The following CHSY3 variants were observed in gnomAD, a reference collection of about 807,000 sequenced individuals.
CHSY3 encodes chondroitin sulfate synthase 3, also known as N-acetylgalactosaminyl-proteoglycan 3-beta-glucuronosyltransferase 3.
A neutral mutation model predicts 67.2 loss-of-function variants in CHSY3; 35 were observed. That is an observed-to-expected ratio of 0.52 (90% CI 0.40 to 0.69). CHSY3 has a LOEUF of 0.69. Ranked by LOEUF, CHSY3 falls within the 30% of genes least tolerant of loss-of-function variation. The probability of loss-of-function intolerance (pLI) is 0.00; values close to 1 mark genes in which losing one functional copy is unlikely to be tolerated. For synonymous variants in CHSY3, 474 were observed against 434.7 expected (o/e 1.09, Z -1.12); for missense variants, 1,069 against 1,138.5 (o/e 0.94, Z 0.88).
At position 130,014,322 on chromosome 5, in the gene CHSY3, G is replaced by A. The variant is rs147987543; in HGVS notation, c.1086+105962G>A. Among the ~76,000 whole-genome samples the A allele has an allele frequency of 7.9e-4, 121 of 152,244 alleles. 1 individual carries two copies. In the East Asian group the frequency reaches 0.017, roughly 22 times the overall value. On this transcript the variant is annotated intron_variant, in intron 2 of 2. Coordinates refer to ENST00000305031, the MANE Select transcript of CHSY3 (RefSeq NM_175856.5). ...CACCCACTCCTGGTACCAATTTACT[G>A]TATTAGTCCATTTTCATGCTGCTAT...
chr5:130,184,490 C>T lies in CHSY3; in HGVS notation c.1348C>T (p.Pro450Ser), dbSNP rs1158449836. 2 of 1,612,220 alleles carry T rather than the reference C, an allele frequency of 1.2e-6. No homozygotes were observed. Among genetic ancestry groups the T allele is most frequent in the Middle Eastern group, 1.7e-4 (1 of 6,060 alleles). Residue 450 changes from proline to serine, a missense_variant, in exon 3 of 3, where the codon CCT becomes TCT. Transcript: ENST00000305031. Reference protein sequence around the residue: ...SKEDQQLGVIPSFNHFQPRER... With the variant: ...SKEDQQLGVISSFNHFQPRER... ...AGAGGACCAGCAGCTGGGAGTGATA[C>T]CTTCTTTCAACCACTTCCAGCCTCG...
At chr5:129,953,826 G>T (rs999024890) in intron 2 of CHSY3, among the ~76,000 whole-genome samples, 5 of 152,004 alleles carry the variant, frequency 3.3e-5, no homozygotes, top group African/African-American at 1.2e-4. Flanking sequence ...TGATGGGGTT[G>T]TTTGTTTTTT....
At chr5:130,121,012 C>T (rs182796133) in intron 2 of CHSY3, among the ~76,000 whole-genome samples, 2 of 152,284 alleles carry the variant, frequency 1.3e-5, no homozygotes, top group Non-Finnish European at 2.9e-5. Flanking sequence ...TGGGGATCGG[C>T]ATCTTTTCAA....
At chr5:130,001,860 T>C in intron 2 of CHSY3, 1 of 916,340 alleles carries the variant, frequency 1.1e-6, no homozygotes, top group Non-Finnish European at 1.3e-6. Context: ...AACCCACTAA[T>C]ATAATCCTGT....
chr5:130,138,605 T>G (rs62393193), intron 2 of CHSY3, among the ~76,000 whole-genome samples: 8,348 of 152,236 alleles, frequency 0.055, 345 homozygotes, highest in Non-Finnish European at 0.081. Flanking sequence ...TAGAATACAT[T>G]TCATTCTTTA....
chr5:129,905,528 T>C lies in CHSY3; in HGVS notation c.699T>C (p.Tyr233=). The C allele has an allele frequency of 6.2e-7, 1 of 1,613,414 alleles. No homozygotes were observed. The highest frequency in any genetic ancestry group is 1.3e-5 in the African/African-American group (1 of 75,000). Residue 233 remains tyrosine (Y), a synonymous_variant, in exon 1 of 3, where the codon TAT becomes TAC. Coordinates refer to ENST00000305031, the MANE Select transcript of CHSY3 (RefSeq NM_175856.5). ...CGCTACCGGGTGTGGACGACTCCTA[T>C]CCTCCCCAGAAAAAGTCCTTCATGA... ...VIALPGVDDS[Y]PPQKKSFMMI...
intron 2 of CHSY3, among the ~76,000 whole-genome samples, chr5:130,137,577 T>G (rs1768706651): frequency 2.0e-5 from 3 of 152,340 alleles, no homozygotes; most frequent in Admixed American, 6.5e-5. Context: ...AGAATAGTCT[T>G]CTCTTTCATT....
chr5:130,121,516 G>A (rs1002963023), intron 2 of CHSY3, among the ~76,000 whole-genome samples: 1 of 152,102 alleles, frequency 6.6e-6, no homozygotes, highest in Non-Finnish European at 1.5e-5. Flanking sequence ...GAGCTTCCTT[G>A]TAGCTCAAAT....
intron 2 of CHSY3, among the ~76,000 whole-genome samples, chr5:130,156,009 A>C (rs1364063288): frequency 1.3e-5 from 2 of 152,174 alleles, no homozygotes; most frequent in Admixed American, 6.5e-5. Flanking sequence ...AAATCAATAG[A>C]TCTTATGGTA....
chr5:130,038,839 G>A (rs1054218457), intron 2 of CHSY3, among the ~76,000 whole-genome samples: 2 of 151,912 alleles, frequency 1.3e-5, no homozygotes, highest in Non-Finnish European at 2.9e-5. Context: ...TATAAATAAA[G>A]CCATCAGGAA....
intron 2 of CHSY3, among the ~76,000 whole-genome samples, chr5:129,960,006 A>G (rs188723700): frequency 2.2e-3 from 341 of 152,142 alleles, no homozygotes; most frequent in African/African-American, 7.3e-3. Context: ...AGGACTCTGA[A>G]TGGACTAAGT....
chr5:130,150,299 C>A (rs1362852906), intron 2 of CHSY3, among the ~76,000 whole-genome samples: 1 of 152,016 alleles, frequency 6.6e-6, no homozygotes, highest in Non-Finnish European at 1.5e-5. Flanking sequence ...CAGGTCATAT[C>A]TTTTAGGACA....
At chr5:130,113,004 A>G (rs1180137780) in intron 2 of CHSY3, among the ~76,000 whole-genome samples, 2 of 152,112 alleles carry the variant, frequency 1.3e-5, no homozygotes, top group Admixed American at 6.6e-5. Flanking sequence ...TAGAAGTCAC[A>G]TTTTAAGATA....
intron 2 of CHSY3, among the ~76,000 whole-genome samples, chr5:130,086,753 A>G (rs1270896271): frequency 6.6e-6 from 1 of 152,120 alleles, no homozygotes; most frequent in Non-Finnish European, 1.5e-5. Context: ...AGAGTCCAGG[A>G]CCACATGGAT....
intron 2 of CHSY3, among the ~76,000 whole-genome samples, chr5:129,910,249 T>C (rs1212396470): frequency 1.3e-5 from 2 of 152,042 alleles, no homozygotes; most frequent in African/African-American, 4.8e-5. Flanking sequence ...ACCTGGTGAA[T>C]ATAACATTTT....
chr5:129,934,384 C>CT (rs943983454), intron 2 of CHSY3, among the ~76,000 whole-genome samples: 7 of 150,986 alleles, frequency 4.6e-5, no homozygotes, highest in Non-Finnish European at 7.4e-5. Context: ...ATTTAAAGTG[C>CT]TTTTTTTTTA....
intron 2 of CHSY3, among the ~76,000 whole-genome samples, chr5:129,910,430 A>G (rs1013875124): frequency 7.2e-5 from 11 of 152,034 alleles, no homozygotes; most frequent in Non-Finnish European, 1.5e-4. Context: ...TATAGAATTT[A>G]CTTTGTATTG....
chr5:129,968,013 C>G (rs1475366789), intron 2 of CHSY3, among the ~76,000 whole-genome samples: 2 of 151,650 alleles, frequency 1.3e-5, no homozygotes, highest in African/African-American at 4.8e-5. Flanking sequence ...TGACAATAAA[C>G]TATGGTAGTG....
chr5:129,978,766 A>G (rs1485535790), intron 2 of CHSY3, among the ~76,000 whole-genome samples: 1 of 152,150 alleles, frequency 6.6e-6, no homozygotes, highest in Non-Finnish European at 1.5e-5. Context: ...ATATAAAAGT[A>G]TTTTAATCTA....
Sources: allele counts gnomAD v4.1 joint callset (sites outside exome capture counted in the v4.1 genomes callset), GRCh38; gene constraint gnomAD v4.1.1; transcripts MANE v1.5; gene names NCBI Gene and HGNC (gene_info 2026-07-23, HGNC 2026-07-21).